SLC24A2: variants seen among roughly 807,000 people sequenced by gnomAD.
SLC24A2 encodes the protein solute carrier family 24 member 2, also known as sodium/potassium/calcium exchanger 2.
SLC24A2 carries 36 observed loss-of-function variants against 62.0 expected under a neutral mutation model. The ratio of observed to expected loss-of-function variants is 0.58; its 90% CI spans 0.44 to 0.77. The LOEUF (loss-of-function observed/expected upper bound fraction) is 0.77. Ranked by LOEUF, SLC24A2 falls within the 30% of genes least tolerant of loss-of-function variation. SLC24A2 has a pLI of 0.00. For missense variants in SLC24A2, 846 were observed against 817.9 expected, an observed-to-expected ratio of 1.03 and a Z score of -0.42; for synonymous variants, 358 against 294.0, an observed-to-expected ratio of 1.22 and a Z score of -2.23.
At chr9:19,684,599 T>A (rs1819823547) in intron 2 of SLC24A2, among the ~76,000 whole-genome samples, 1 of 151,986 alleles carries the variant, frequency 6.6e-6, no homozygotes, top group African/African-American at 2.4e-5. Context: ...ATTTTAAGGG[T>A]TTCAGGGTAG....
intron 1 of SLC24A2, among the ~76,000 whole-genome samples, chr9:19,788,332 G>C (rs1157005563): frequency 1.3e-5 from 2 of 152,158 alleles, no homozygotes; most frequent in South Asian, 4.1e-4. Context: ...GCGACCAGCA[G>C]GGACAGATTC....
intron 2 of SLC24A2, among the ~76,000 whole-genome samples, chr9:19,714,189 CGT>C (rs1196228464): frequency 2.0e-5 from 3 of 152,200 alleles, no homozygotes; most frequent in Non-Finnish European, 2.9e-5. Context: ...TGGAACTCTG[CGT>C]GTGTGTGTGA....
At chr9:20,123,182 G>A in the SLC24A2 span, among the ~76,000 whole-genome samples, 1 of 152,080 alleles carries the variant, frequency 6.6e-6, no homozygotes, top group African/African-American at 2.4e-5. Flanking sequence ...CCTTCTAGCT[G>A]TGTCCTCACA....
intron 5 of SLC24A2, among the ~76,000 whole-genome samples, chr9:19,587,365 G>T (rs943402707): frequency 3.9e-5 from 6 of 152,120 alleles, no homozygotes; most frequent in African/African-American, 1.4e-4. Flanking sequence ...TGAACTTATA[G>T]CATGTATTGT....
At chr9:19,949,662 A>G in the SLC24A2 span, among the ~76,000 whole-genome samples, 3 of 152,216 alleles carry the variant, frequency 2.0e-5, no homozygotes, top group East Asian at 3.8e-4. Flanking sequence ...TGAGTAGTGT[A>G]CAGAAGGGTC....
chr9:20,021,679 C>T, the SLC24A2 span, among the ~76,000 whole-genome samples: 1 of 152,130 alleles, frequency 6.6e-6, no homozygotes, highest in East Asian at 1.9e-4. Flanking sequence ...TGCTGTCTTC[C>T]TTTGTCTGCT....
At chr9:20,077,708 A>G in the SLC24A2 span, among the ~76,000 whole-genome samples, 2 of 152,246 alleles carry the variant, frequency 1.3e-5, no homozygotes, top group Non-Finnish European at 2.9e-5. Flanking sequence ...TTAGAAGAAG[A>G]AACCTCTATT....
At chr9:19,584,273 T>TAAAAAAAAAAAAAAAAAAAAAAAAAA (rs5896848) in intron 5 of SLC24A2, among the ~76,000 whole-genome samples, 3 of 119,946 alleles carry the variant, frequency 2.5e-5, no homozygotes, top group Non-Finnish European at 3.5e-5. Context: ...TAGCAAATAG[T>TAAAAAAAAAAAAAAAAAAAAAAAAAA]AAAAAAAAAA....
chr9:20,074,463 G>C, the SLC24A2 span, among the ~76,000 whole-genome samples: 1 of 151,674 alleles, frequency 6.6e-6, no homozygotes, highest in Non-Finnish European at 1.5e-5. Flanking sequence ...ACAATTAATG[G>C]TATTGCTGGC....
intron 5 of SLC24A2, among the ~76,000 whole-genome samples, chr9:19,584,026 A>C (rs1246149524): frequency 6.6e-6 from 1 of 152,088 alleles, no homozygotes. Context: ...TTGATTGTAC[A>C]TGTTACAGTC....
At chr9:19,685,288 A>G (rs573416619) in intron 2 of SLC24A2, among the ~76,000 whole-genome samples, 1 of 152,306 alleles carries the variant, frequency 6.6e-6, no homozygotes, top group African/African-American at 2.4e-5. Flanking sequence ...AAAACATTCC[A>G]TGCTCATTGA....
chr9:20,024,405 T>C, the SLC24A2 span, among the ~76,000 whole-genome samples: 1 of 152,174 alleles, frequency 6.6e-6, no homozygotes, highest in African/African-American at 2.4e-5. Context: ...GTGAACTTTA[T>C]TGGAAACCAC....
At chr9:19,710,714 G>T (rs752249564) in intron 2 of SLC24A2, among the ~76,000 whole-genome samples, 2 of 152,154 alleles carry the variant, frequency 1.3e-5, no homozygotes, top group African/African-American at 4.8e-5. Context: ...TCATCCAAAA[G>T]GCTGTGGGAA....
At chr9:20,075,312 C>T in the SLC24A2 span, among the ~76,000 whole-genome samples, 1 of 152,124 alleles carries the variant, frequency 6.6e-6, no homozygotes, top group East Asian at 1.9e-4. Flanking sequence ...AGGATTATTA[C>T]CTCCATTTTA....
At chr9:19,601,560 A>G (rs1329420513) in intron 4 of SLC24A2, among the ~76,000 whole-genome samples, 1 of 152,230 alleles carries the variant, frequency 6.6e-6, no homozygotes, top group Admixed American at 6.5e-5. Flanking sequence ...ACCCACCGGA[A>G]AGAACCAACT....
At chr9:20,068,665 G>C in the SLC24A2 span, among the ~76,000 whole-genome samples, 9 of 152,148 alleles carry the variant, frequency 5.9e-5, no homozygotes, top group Admixed American at 1.3e-4. Flanking sequence ...AGTTGCTCTT[G>C]CTTGGGGGTG....
intron 5 of SLC24A2, among the ~76,000 whole-genome samples, chr9:19,578,467 A>T (rs11788026): frequency 0.11 from 16,556 of 151,868 alleles, 934 homozygotes; most frequent in African/African-American, 0.14. Flanking sequence ...GGTATAAAAA[A>T]ATTCTCATTT....
At chr9:20,030,636 G>A in the SLC24A2 span, among the ~76,000 whole-genome samples, 229 of 152,274 alleles carry the variant, frequency 1.5e-3, 2 homozygotes, top group Non-Finnish European at 2.9e-4. Context: ...CTCCACTACT[G>A]CAGCATCACT....
the SLC24A2 span, among the ~76,000 whole-genome samples, chr9:19,842,291 G>T: frequency 1.3e-5 from 2 of 152,134 alleles, no homozygotes; most frequent in Non-Finnish European, 2.9e-5. Context: ...GCAGCACTGG[G>T]ATCATAACTG....
Sources: allele counts gnomAD v4.1 joint callset (sites outside exome capture counted in the v4.1 genomes callset), GRCh38; gene constraint gnomAD v4.1.1; transcripts MANE v1.5; gene names NCBI Gene and HGNC (gene_info 2026-07-23, HGNC 2026-07-21).